HADHB: variants seen among roughly 807,000 people sequenced by gnomAD.
The protein encoded by HADHB is hydroxyacyl-CoA dehydrogenase trifunctional multienzyme complex subunit beta.
A neutral mutation model predicts 61.9 loss-of-function variants in HADHB; 50 were observed. The observed-to-expected ratio is 0.81, with a 90% confidence interval of 0.64 to 1.02. The LOEUF is 1.02. Ranked by LOEUF, HADHB falls within the 50% of genes least tolerant of loss-of-function variation. The pLI is 0.00. For synonymous variants in HADHB, 191 were observed against 201.6 expected, an observed-to-expected ratio of 0.95 and a Z score of 0.45; for missense variants, 504 against 586.5, an observed-to-expected ratio of 0.86 and a Z score of 1.45.
At chr2:26,248,881 A>G (rs1033747929) in intron 1 of HADHB, among the ~76,000 whole-genome samples, 1 of 152,190 alleles carries the variant, frequency 6.6e-6, no homozygotes, top group Non-Finnish European at 1.5e-5. Flanking sequence ...ACATGGTGAA[A>G]CCCCATCTCT....
intron 4 of HADHB, among the ~76,000 whole-genome samples, chr2:26,266,053 C>T (rs1393726480): frequency 2.0e-5 from 3 of 151,312 alleles, no homozygotes; most frequent in Non-Finnish European, 4.4e-5. Flanking sequence ...TCCCCAACGC[C>T]TCCTCACCCC....
intron 4 of HADHB, among the ~76,000 whole-genome samples, chr2:26,267,608 C>T (rs147442829): frequency 2.5e-3 from 375 of 150,832 alleles, no homozygotes; most frequent in African/African-American, 8.9e-3. Context: ...CCCTTCTCTA[C>T]TAAAAATACA....
rs200777054 is a variant in HADHB, at chr2:26,269,952, G to T, written c.210-1G>T. On this transcript the variant is annotated splice_acceptor_variant, in intron 4 of 15. Coordinates refer to ENST00000317799, the MANE Select transcript of HADHB (RefSeq NM_000183.3). LOFTEE classifies it high-confidence loss of function. ...TTAAATTACTGGTTTTCGTTCCCCA[G>T]ATATAAAGACCTGATGCCACATGAT... 3.7e-6 allele frequency: 6 copies of T among 1,603,842 alleles called. No individual in the cohort carries two copies. In the Admixed American group the frequency reaches 1.0e-4, roughly 27 times the overall value.
In HADHB at chr2:26,272,695, A is replaced by G. The variant is rs146376708; in HGVS notation, c.255-956A>G. ...GAGTGCTTCCTTACTTTTGGCACAA[A>G]AAAGATGGAAATTCACTTTGTACTT... On this transcript the variant is annotated intron_variant, in intron 5 of 15. Coordinates refer to ENST00000317799, the MANE Select transcript of HADHB (RefSeq NM_000183.3). Among the ~76,000 whole-genome samples the G allele has an allele frequency of 4.9e-3, 745 of 152,254 alleles. 9 individuals are homozygous for G. The highest frequency in any genetic ancestry group is 0.017 in the African/African-American group (717 of 41,550).
chr2:26,286,968 T>C (rs2147834749), intron 15 of HADHB, among the ~76,000 whole-genome samples: 2 of 150,980 alleles, frequency 1.3e-5, no homozygotes, highest in South Asian at 4.2e-4. Flanking sequence ...CTTTGGGAGG[T>C]TGAGGCGGGT....
chr2:26,254,161 A>T (rs1671517305), intron 1 of HADHB, 86 bp from the exon 2 acceptor site: 2 of 754,762 alleles, frequency 2.6e-6, no homozygotes, highest in East Asian at 4.9e-5. Context: ...GTAGCCATGG[A>T]TGAGGTTATC....
At chr2:26,253,736 C>T (rs1450474598) in intron 1 of HADHB, among the ~76,000 whole-genome samples, 2 of 151,658 alleles carry the variant, frequency 1.3e-5, no homozygotes, top group African/African-American at 4.8e-5. Context: ...GCCTGTAATC[C>T]CAGCTACTCG....
chr2:26,248,049 T>G (rs1671234263), intron 1 of HADHB, among the ~76,000 whole-genome samples: 1 of 152,194 alleles, frequency 6.6e-6, no homozygotes, highest in Non-Finnish European at 1.5e-5. Flanking sequence ...GGGACTTTCT[T>G]TTCTCTTTCT....
intron 1 of HADHB, among the ~76,000 whole-genome samples, chr2:26,249,242 G>T (rs1026771760): frequency 1.3e-5 from 2 of 151,506 alleles, no homozygotes. Context: ...TTCTTAAAGG[G>T]GATTTATTAG....
chr2:26,250,889 A>G (rs1671373061), intron 1 of HADHB, among the ~76,000 whole-genome samples: 2 of 151,264 alleles, frequency 1.3e-5, no homozygotes, highest in Admixed American at 1.3e-4. Flanking sequence ...GTACTTTTAT[A>G]GTTAGAATAT....
intron 15 of HADHB, among the ~76,000 whole-genome samples, chr2:26,286,887 T>C (rs545941138): frequency 6.6e-6 from 1 of 151,252 alleles, no homozygotes; most frequent in African/African-American, 2.4e-5. Context: ...TTCCTGTTCC[T>C]GATCAAAATG....
In HADHB at chr2:26,253,857, AAAATAAAT is replaced by A. The variant is rs146843338; in HGVS notation, c.-8-350_-8-343del. Among the ~76,000 whole-genome samples the A allele has an allele frequency of 8.4e-3, 1,061 of 125,618 alleles. 15 individuals carry two copies. The highest frequency in any genetic ancestry group is 0.028 in the African/African-American group (987 of 35,742). 82.4% of individuals were successfully genotyped at this position (125,618 alleles called of 152,430 possible). On this transcript the variant is annotated intron_variant, in intron 1 of 15. Transcript: ENST00000317799. ...AACAAGAGCAAAACTCCATCTCAAA[AAAATAAAT>A]AAATAAATAAATAAATAAATAAATA...
At chr2:26,282,311 G>A (rs1043000259) in intron 10 of HADHB, among the ~76,000 whole-genome samples, 12 of 142,628 alleles carry the variant, frequency 8.4e-5, no homozygotes, top group African/African-American at 2.9e-4. Flanking sequence ...CTGGAATGCA[G>A]TGGCACGATC....
chr2:26,250,386 T>C (rs1001672186), intron 1 of HADHB, among the ~76,000 whole-genome samples: 3 of 152,360 alleles, frequency 2.0e-5, no homozygotes, highest in Admixed American at 2.0e-4. Flanking sequence ...AAATATTTTC[T>C]CTGAATCTAT....
chr2:26,252,878 A>G (rs1671457508), intron 1 of HADHB, among the ~76,000 whole-genome samples: 1 of 152,232 alleles, frequency 6.6e-6, no homozygotes, highest in African/African-American at 2.4e-5. Flanking sequence ...TTCATGGATA[A>G]TTACCAAATT....
chr2:26,256,987 A>G (rs1018285858), intron 3 of HADHB, among the ~76,000 whole-genome samples: 3 of 152,226 alleles, frequency 2.0e-5, no homozygotes, highest in African/African-American at 7.2e-5. Context: ...CCTCTCGTAA[A>G]TGTGCTAGTG....
chr2:26,254,342 T>C (rs1671526841), intron 2 of HADHB, 24 bp downstream of exon 2: 1 of 1,487,522 alleles, frequency 6.7e-7, no homozygotes, highest in Admixed American at 1.7e-5. Flanking sequence ...TATTTTTTTA[T>C]TTTTAGAGAT....
intron 3 of HADHB, among the ~76,000 whole-genome samples, chr2:26,262,670 T>C (rs1406838519): frequency 6.6e-6 from 1 of 152,212 alleles, no homozygotes; most frequent in African/African-American, 2.4e-5. Context: ...GTGCCCCTTA[T>C]TTCCACGTAG....
Position 26,276,924 on chromosome 2 carries a change from G to A in HADHB, c.355-149G>A, listed in dbSNP as rs559881515. On this transcript the variant is annotated intron_variant, in intron 6 of 15. Coordinates refer to ENST00000317799, the MANE Select transcript of HADHB (RefSeq NM_000183.3). ...GATTAAATATTAGTGAACCATTTCT[G>A]TGATGGACTTCATTTGATTTTAAAT... is the stretch of plus-strand genomic sequence containing the variant. 92 of 643,046 alleles carry A rather than the reference G, an allele frequency of 1.4e-4. No individual in the cohort carries two copies. The African/African-American group carries it at 1.5e-3, about 10-fold the overall frequency. 39.8% of individuals were successfully genotyped at this position (643,046 alleles called of 1,614,324 possible).
Sources: gnomAD v4.1 joint callset for allele counts (sites outside exome capture counted in the v4.1 genomes callset) on GRCh38, gnomAD v4.1.1 for gene constraint, MANE v1.5 for transcripts, NCBI Gene and HGNC (gene_info 2026-07-23, HGNC 2026-07-21) for gene names.